The following SH3RF3 variants were observed in gnomAD, a reference collection of about 807,000 sequenced individuals.
SH3RF3 encodes E3 ubiquitin-protein ligase SH3RF3.
Under a neutral mutation model 66.3 loss-of-function variants are expected in SH3RF3, and 29 were observed. The ratio of observed to expected loss-of-function variants is 0.44; its 90% CI spans 0.33 to 0.60. The LOEUF (loss-of-function observed/expected upper bound fraction) is 0.60. Among genes scored for constraint, SH3RF3 ranks in the 20% least tolerant of loss-of-function variants. SH3RF3 has a pLI of 0.04. For missense variants in SH3RF3, 1,194 were observed against 1,190.9 expected (o/e 1.00, Z -0.04); for synonymous variants, 583 against 532.0 (o/e 1.10, Z -1.32).
chr2:109,240,998 TGCCTCCCTTTTG>T lies in SH3RF3; in HGVS notation c.574-106672_574-106661del, dbSNP rs1679767968. Among the ~76,000 whole-genome samples, 3 of 152,290 alleles carry T rather than the reference TGCCTCCCTTTTG, an allele frequency of 2.0e-5. No homozygotes were observed. The South Asian group carries it at 6.2e-4, about 32-fold the overall frequency. The stretch of plus-strand genomic sequence containing the variant: ...AGTCCACATCTCCCCAAAAACTCCA[TGCCTCCCTTTTG>T]GCCAAAAAGAACTCTATAGAGCATC... On this transcript the variant is annotated intron_variant, in intron 1 of 9. Transcript: ENST00000309415.
intron 8 of SH3RF3, among the ~76,000 whole-genome samples, chr2:109,456,933 A>C (rs774018467): frequency 2.3e-4 from 35 of 152,256 alleles, no homozygotes; most frequent in Non-Finnish European, 3.4e-4. Flanking sequence ...GAAGGAGCAC[A>C]GTCATCTCAA....
intron 1 of SH3RF3, among the ~76,000 whole-genome samples, chr2:109,318,716 C>T (rs1053054296): frequency 1.3e-5 from 2 of 152,154 alleles, no homozygotes; most frequent in African/African-American, 2.4e-5. Flanking sequence ...TCCGGGGCTG[C>T]CCTGGCCAGC....
intron 1 of SH3RF3, among the ~76,000 whole-genome samples, chr2:109,222,030 A>G (rs903560481): frequency 2.6e-4 from 40 of 152,330 alleles, no homozygotes; most frequent in African/African-American, 9.4e-4. Flanking sequence ...AAAGAATGAA[A>G]TCATGTCATT....
chr2:109,161,577 A>C (rs1248948882), intron 1 of SH3RF3, among the ~76,000 whole-genome samples: 1 of 151,718 alleles, frequency 6.6e-6, no homozygotes, highest in East Asian at 1.9e-4. Flanking sequence ...AATAAAGAAA[A>C]AAAAGGTTTA....
intron 1 of SH3RF3, among the ~76,000 whole-genome samples, chr2:109,248,399 C>T (rs765695839): frequency 1.3e-5 from 2 of 152,136 alleles, no homozygotes; most frequent in Non-Finnish European, 2.9e-5. Flanking sequence ...TGTTATCGCT[C>T]TCATTTTTTT....
At position 109,347,868 on chromosome 2, in the gene SH3RF3, C is replaced by T. The variant is rs377473947; in HGVS notation, c.768C>T (p.His256=). ...TCCAGTGCATCCAGCCCTTGCCACA[C>T]GCCCCGCCCCAGGGAAAAGCACTTT... ...SYIQCIQPLP[H]APPQGKALYD... Residue 256 remains histidine, a synonymous_variant, in exon 2 of 10, where the codon CAC becomes CAT. Coordinates refer to ENST00000309415, the MANE Select transcript of SH3RF3 (RefSeq NM_001099289.3). 23 of 1,613,272 alleles carry T rather than the reference C, an allele frequency of 1.4e-5. No individual in the cohort carries two copies. Among genetic ancestry groups the T allele is most frequent in the East Asian group, 2.2e-5 (1 of 44,866 alleles).
chr2:109,464,020 G>A (rs1050623161), intron 8 of SH3RF3, among the ~76,000 whole-genome samples: 1 of 152,194 alleles, frequency 6.6e-6, no homozygotes, highest in Non-Finnish European at 1.5e-5. Flanking sequence ...CCAATTCACA[G>A]AACATAGCTC....
chr2:109,269,856 T>G (rs1680584228), intron 1 of SH3RF3, among the ~76,000 whole-genome samples: 1 of 152,206 alleles, frequency 6.6e-6, no homozygotes, highest in African/African-American at 2.4e-5. Context: ...GTTCGTGTGC[T>G]CAGGCATTTG....
At chr2:109,233,680 G>A (rs1679574701) in intron 1 of SH3RF3, among the ~76,000 whole-genome samples, 1 of 152,226 alleles carries the variant, frequency 6.6e-6, no homozygotes, top group African/African-American at 2.4e-5. Context: ...CCACACTCAA[G>A]ATGCAGAGCT....
In SH3RF3 at chr2:109,347,742, G is replaced by T; in HGVS notation, c.642G>T (p.Lys214Asn). The change falls in exon 2 of 10, where the codon AAG (lysine) becomes AAT (asparagine). Residue 214 changes from lysine to asparagine, a missense_variant. Coordinates refer to ENST00000309415, the MANE Select transcript of SH3RF3 (RefSeq NM_001099289.3). ...AGGGGAAGGAACCTGGTGACCTCAA[G>T]TTCAACAAGGGGGACATCATCGTCC... ...SYEGKEPGDLKFNKGDIIVLR... is the reference protein window; with the variant it reads ...SYEGKEPGDLNFNKGDIIVLR... 1 of 1,613,968 alleles carries T rather than the reference G, an allele frequency of 6.2e-7. No individual in the cohort carries two copies. The highest frequency in any genetic ancestry group is 8.5e-7 in the Non-Finnish European group (1 of 1,179,870).
intron 8 of SH3RF3, among the ~76,000 whole-genome samples, chr2:109,476,573 C>T (rs1398904140): frequency 2.0e-5 from 3 of 152,322 alleles, no homozygotes; most frequent in South Asian, 2.1e-4. Context: ...CTAAAGCTCT[C>T]GGGCTCTCCA....
chr2:109,417,595 A>T (rs2104512724), intron 4 of SH3RF3, among the ~76,000 whole-genome samples: 1 of 152,222 alleles, frequency 6.6e-6, no homozygotes, highest in African/African-American at 2.4e-5. Context: ...CTCTCTCAGG[A>T]TCCTTTGAAA....
At chr2:109,346,138 G>C (rs1035987124) in intron 1 of SH3RF3, among the ~76,000 whole-genome samples, 13 of 152,084 alleles carry the variant, frequency 8.5e-5, no homozygotes, top group African/African-American at 3.1e-4. Flanking sequence ...TATTGTGCTC[G>C]CACTACAAAG....
At chr2:109,192,128 A>G (rs1256396891) in intron 1 of SH3RF3, among the ~76,000 whole-genome samples, 1 of 152,142 alleles carries the variant, frequency 6.6e-6, no homozygotes. Context: ...AGAGTTCTTC[A>G]CGGTACCCAA....
At chr2:109,303,083 C>T (rs1222923628) in intron 1 of SH3RF3, among the ~76,000 whole-genome samples, 2 of 152,238 alleles carry the variant, frequency 1.3e-5, no homozygotes, top group East Asian at 1.9e-4. Flanking sequence ...ATCATGCTGG[C>T]CAGGCTGGTC....
At chr2:109,233,101 G>T (rs916756590) in intron 1 of SH3RF3, among the ~76,000 whole-genome samples, 1 of 152,222 alleles carries the variant, frequency 6.6e-6, no homozygotes. Flanking sequence ...GTGGCGAGGG[G>T]TGTGTTACAA....
intron 4 of SH3RF3, among the ~76,000 whole-genome samples, chr2:109,411,107 C>G (rs1676576087): frequency 6.6e-6 from 1 of 152,218 alleles, no homozygotes; most frequent in South Asian, 2.1e-4. Context: ...GGCCAAGCAC[C>G]ATGGTTGGAG....
intron 1 of SH3RF3, among the ~76,000 whole-genome samples, chr2:109,323,045 A>G (rs1682067778): frequency 2.0e-5 from 3 of 152,274 alleles, no homozygotes; most frequent in South Asian, 4.1e-4. Context: ...TCTCGTTGAA[A>G]TGTTTTATCA....
chr2:109,432,639 G>A lies in SH3RF3; in HGVS notation c.1542G>A (p.Val514=). Residue 514 remains valine (V), a synonymous_variant, in exon 6 of 10, where the codon GTG becomes GTA. Transcript: ENST00000309415. The part of the protein sequence containing the change: ...GASLRTGVSG[V]FPGNYVTPVS... ...CTCTGAGGACCGGGGTCTCTGGGGT[G>A]TTCCCCGGAAACTACGTGACACCCG... 1 of 1,612,860 alleles carries A rather than the reference G, an allele frequency of 6.2e-7. No individual in the cohort carries two copies. The highest frequency in any genetic ancestry group is 8.5e-7 in the Non-Finnish European group (1 of 1,179,504).
Sources: gnomAD v4.1 joint callset for allele counts (sites outside exome capture counted in the v4.1 genomes callset) on GRCh38, gnomAD v4.1.1 for gene constraint, MANE v1.5 for transcripts, NCBI Gene and HGNC (gene_info 2026-07-23, HGNC 2026-07-21) for gene names.